KRTAP6-3: variants seen among roughly 807,000 people sequenced by gnomAD.
KRTAP6-3 encodes the protein keratin associated protein 6-3, also known as keratin-associated protein 6-3.
For synonymous variants in KRTAP6-3, 62 were observed against 57.5 expected (o/e 1.08, Z -0.36); for missense variants, 121 against 133.1 (o/e 0.91, Z 0.45).
rs747154924 is a variant in KRTAP6-3 at position 30,592,768 on chromosome 21, A to T, written c.323A>T (p.Tyr108Phe). The change falls in exon 1 of 1, where the codon TAC becomes TTC. Residue 108 changes from tyrosine (Y) to phenylalanine (F), a missense_variant. By Grantham distance (22) the Tyr-to-Phe change is conservative (BLOSUM62 3). Coordinates refer to ENST00000391624, the MANE Select transcript of KRTAP6-3 (RefSeq NM_181605.4). The stretch of plus-strand genomic sequence containing the variant: ...TCTGGCTATGGCTCCAGCTTTGGCT[A>T]CTACTATTGAGGACACCATGGGAGA... 4.4e-6 allele frequency: 7 copies of T among 1,599,296 alleles called. No individual in the cohort carries two copies. The highest frequency in any genetic ancestry group is 2.7e-5 in the African/African-American group (2 of 74,558).
Position 30,592,583 on chromosome 21 carries a change from C to G in KRTAP6-3, c.138C>G (p.Gly46=). The G allele has an allele frequency of 1.2e-6, 2 of 1,611,072 alleles. No individual in the cohort carries two copies. Among genetic ancestry groups the G allele is most frequent in the Non-Finnish European group, 1.7e-6 (2 of 1,178,258 alleles). Reference sequence around the variant, plus strand: ...GCTATGGGTGCTGTGGCTACGGAGGCCTGGGCTTTGGCTATGGAGGCCTGG... The same window carrying G: ...GCTATGGGTGCTGTGGCTACGGAGGGCTGGGCTTTGGCTATGGAGGCCTGG... Residue 46 remains glycine (G), a synonymous_variant, in exon 1 of 1, where the codon GGC becomes GGG. Coordinates refer to ENST00000391624, the MANE Select transcript of KRTAP6-3 (RefSeq NM_181605.4).
rs1568893343 is a variant in KRTAP6-3 at position 30,592,685 on chromosome 21, T to C, written c.240T>C (p.Tyr80=). The stretch of plus-strand genomic sequence containing the variant: ...GCTACAGAGGCCTGGACTGTGGCTA[T>C]GGCTGTGGCTATGGCTATGTCTCCC... The change falls in exon 1 of 1, where the codon TAT becomes TAC. Residue 80 remains tyrosine, a synonymous_variant. Coordinates refer to ENST00000391624, the MANE Select transcript of KRTAP6-3 (RefSeq NM_181605.4). 6.2e-7 allele frequency: 1 copy of C among 1,613,672 alleles called. No homozygotes were observed. The highest frequency in any genetic ancestry group is 2.2e-5 in the East Asian group (1 of 44,840).
In KRTAP6-3 at chr21:30,592,888, G is replaced by A; in HGVS notation, c.*110G>A. The A allele has an allele frequency of 6.9e-7, 1 of 1,447,768 alleles. No individual in the cohort carries two copies. Among genetic ancestry groups the A allele is most frequent in the Non-Finnish European group, 9.1e-7 (1 of 1,095,850 alleles). 89.7% of individuals were successfully genotyped at this position (1,447,768 alleles called of 1,614,324 possible). On this transcript the variant is annotated 3_prime_UTR_variant, in exon 1 of 1. Transcript: ENST00000391624. Reference sequence around the variant, plus strand: ...TGATTGATGATATCCTGCAGTGGAAGTCTAATATGATCTGTTGTTGATCTA... The same window carrying A: ...TGATTGATGATATCCTGCAGTGGAAATCTAATATGATCTGTTGTTGATCTA...
rs1158174905 is a variant in KRTAP6-3, at chr21:30,592,535, G to GGGCTGTGGTTATGGC, written c.99_113dup (p.Gly36_Gly40dup). The stretch of plus-strand genomic sequence containing the variant: ...ATGGGTGCTGTGGCTACGGAGGCCT[G>GGGCTGTGGTTATGGC]GGCTGTGGTTATGGCGGCTGTGGCT... On this transcript the variant is annotated inframe_insertion, in exon 1 of 1. Coordinates refer to ENST00000391624, the MANE Select transcript of KRTAP6-3 (RefSeq NM_181605.4). 5.6e-6 allele frequency: 9 copies of GGGCTGTGGTTATGGC among 1,613,962 alleles called. No individual in the cohort carries two copies. The East Asian group carries it at 2.0e-4, about 36-fold the overall frequency.
chr21:30,592,477 G>C lies in KRTAP6-3; in HGVS notation c.32G>C (p.Ser11Thr), dbSNP rs1432526771. 1 of 1,609,424 alleles carries C rather than the reference G, an allele frequency of 6.2e-7. No individual in the cohort carries two copies. Among genetic ancestry groups the C allele is most frequent in the South Asian group, 1.1e-5 (1 of 90,306 alleles). Residue 11 changes from serine (S) to threonine (T), a missense_variant, in exon 1 of 1, where the codon AGC becomes ACC. By Grantham distance (58) the Ser-to-Thr change is moderately conservative (BLOSUM62 1). Transcript: ENST00000391624. ...TCAACAACCAACACCATGTGTGGCA[G>C]CTACTACAGAAACTACAATGGTGGC...
chr21:30,592,793 A>T lies in KRTAP6-3; in HGVS notation c.*15A>T. 6.4e-7 allele frequency: 1 copy of T among 1,566,422 alleles called. No homozygotes were observed. Among genetic ancestry groups the T allele is most frequent in the Non-Finnish European group, 8.7e-7 (1 of 1,153,970 alleles). On this transcript the variant is annotated 3_prime_UTR_variant, in exon 1 of 1. Transcript: ENST00000391624. ...ACTACTATTGAGGACACCATGGGAG[A>T]CTCTCACCCTCTATCCTGTGACATT...
rs781643901 is a variant in KRTAP6-3 at position 30,592,533 on chromosome 21, C to G, written c.88C>G (p.Leu30Val). 6.2e-7 allele frequency: 1 copy of G among 1,613,908 alleles called. No individual in the cohort carries two copies. The highest frequency in any genetic ancestry group is 8.5e-7 in the Non-Finnish European group (1 of 1,179,922). ...CTATGGGTGCTGTGGCTACGGAGGCCTGGGCTGTGGTTATGGCGGCTGTGG... is the reference window on the plus strand; with the variant it reads ...CTATGGGTGCTGTGGCTACGGAGGCGTGGGCTGTGGTTATGGCGGCTGTGG... The change falls in exon 1 of 1, where the codon CTG becomes GTG. Residue 30 changes from leucine to valine, a missense_variant. By Grantham distance (32) the Leu-to-Val change is conservative. Transcript: ENST00000391624.
chr21:30,592,646 C>A lies in KRTAP6-3; in HGVS notation c.201C>A (p.Ser67=). 2 of 1,613,818 alleles carry A rather than the reference C, an allele frequency of 1.2e-6. No individual in the cohort carries two copies. The highest frequency in any genetic ancestry group is 1.7e-6 in the Non-Finnish European group (2 of 1,179,836). Reference sequence around the variant, plus strand: ...GAGGCCTGGGCTGTGGCTATGGCTCCTTCTGTGGCTGTGGCTACAGAGGCC... The same window carrying A: ...GAGGCCTGGGCTGTGGCTATGGCTCATTCTGTGGCTGTGGCTACAGAGGCC... The change falls in exon 1 of 1, where the codon TCC becomes TCA. Residue 67 remains serine (S), a synonymous_variant. Coordinates refer to ENST00000391624, the MANE Select transcript of KRTAP6-3 (RefSeq NM_181605.4).
Position 30,592,669 on chromosome 21 carries a change from G to A in KRTAP6-3, c.224G>A (p.Gly75Asp). Residue 75 changes from glycine (G) to aspartate (D), a missense_variant, in exon 1 of 1, where the codon GGC becomes GAC. Physicochemically the swap from Gly to Asp is moderately conservative, Grantham distance 94 (BLOSUM62 -1). Coordinates refer to ENST00000391624, the MANE Select transcript of KRTAP6-3 (RefSeq NM_181605.4). ...TCCTTCTGTGGCTGTGGCTACAGAG[G>A]CCTGGACTGTGGCTATGGCTGTGGC... 1 of 1,613,902 alleles carries A rather than the reference G, an allele frequency of 6.2e-7. No individual in the cohort carries two copies. Among genetic ancestry groups the A allele is most frequent in the Non-Finnish European group, 8.5e-7 (1 of 1,179,890 alleles).
At position 30,592,468 on chromosome 21, in the gene KRTAP6-3, T is replaced by A. The variant is rs765246395; in HGVS notation, c.23T>A (p.Met8Lys). 6.2e-7 allele frequency: 1 copy of A among 1,606,092 alleles called. No individual in the cohort carries two copies. Among genetic ancestry groups the A allele is most frequent in the African/African-American group, 1.3e-5 (1 of 74,798 alleles). The stretch of plus-strand genomic sequence containing the variant: ...AGGATGACCTCAACAACCAACACCA[T>A]GTGTGGCAGCTACTACAGAAACTAC... Residue 8 changes from methionine to lysine, a missense_variant, in exon 1 of 1, where the codon ATG becomes AAG. Transcript: ENST00000391624.
chr21:30,592,460 C>T lies in KRTAP6-3; in HGVS notation c.15C>T (p.Thr5=). The T allele has an allele frequency of 6.2e-7, 1 of 1,601,592 alleles. No homozygotes were observed. The highest frequency in any genetic ancestry group is 8.5e-7 in the Non-Finnish European group (1 of 1,173,458). The change falls in exon 1 of 1, where the codon ACC becomes ACT. Residue 5 remains threonine (T), a synonymous_variant. Coordinates refer to ENST00000391624, the MANE Select transcript of KRTAP6-3 (RefSeq NM_181605.4). Reference sequence around the variant, plus strand: ...CCTACCCAAGGATGACCTCAACAACCAACACCATGTGTGGCAGCTACTACA... The same window carrying T: ...CCTACCCAAGGATGACCTCAACAACTAACACCATGTGTGGCAGCTACTACA...
Position 30,592,664 on chromosome 21 carries a change from C to T in KRTAP6-3, c.219C>T (p.Tyr73=). The change falls in exon 1 of 1, where the codon TAC becomes TAT. Residue 73 remains tyrosine, a synonymous_variant. Coordinates refer to ENST00000391624, the MANE Select transcript of KRTAP6-3 (RefSeq NM_181605.4). ...ATGGCTCCTTCTGTGGCTGTGGCTA[C>T]AGAGGCCTGGACTGTGGCTATGGCT... 1 of 1,613,786 alleles carries T rather than the reference C, an allele frequency of 6.2e-7. No individual in the cohort carries two copies. The highest frequency in any genetic ancestry group is 8.5e-7 in the Non-Finnish European group (1 of 1,179,872).
In KRTAP6-3 at chr21:30,592,478, C is replaced by G. The variant is rs114855973; in HGVS notation, c.33C>G (p.Ser11Arg). The G allele has an allele frequency of 1.2e-3, 1,856 of 1,610,190 alleles. 17 individuals carry two copies. In the African/African-American group the frequency reaches 0.022, roughly 19 times the overall value. ...CAACAACCAACACCATGTGTGGCAG[C>G]TACTACAGAAACTACAATGGTGGCC... is the stretch of plus-strand genomic sequence containing the variant. Residue 11 changes from serine (S) to arginine (R), a missense_variant, in exon 1 of 1, where the codon AGC becomes AGG. Ser to Arg is a moderately radical substitution (Grantham distance 110). Coordinates refer to ENST00000391624, the MANE Select transcript of KRTAP6-3 (RefSeq NM_181605.4).
In KRTAP6-3 at chr21:30,592,865, A is replaced by T. The variant is rs1304725588; in HGVS notation, c.*87A>T. The stretch of plus-strand genomic sequence containing the variant: ...CCACATGCTCTGAGCCTTTCCCTTG[A>T]TTGATGATATCCTGCAGTGGAAGTC... On this transcript the variant is annotated 3_prime_UTR_variant, in exon 1 of 1. Transcript: ENST00000391624. 3 of 1,455,764 alleles carry T rather than the reference A, an allele frequency of 2.1e-6. No homozygotes were observed. The Admixed American group carries it at 8.3e-5, about 40-fold the overall frequency. 90.2% of individuals were successfully genotyped at this position (1,455,764 alleles called of 1,614,324 possible).
Position 30,592,793 on chromosome 21 carries a change from A to C in KRTAP6-3, c.*15A>C. On this transcript the variant is annotated 3_prime_UTR_variant, in exon 1 of 1. Coordinates refer to ENST00000391624, the MANE Select transcript of KRTAP6-3 (RefSeq NM_181605.4). Reference sequence around the variant, plus strand: ...ACTACTATTGAGGACACCATGGGAGACTCTCACCCTCTATCCTGTGACATT... The same window carrying C: ...ACTACTATTGAGGACACCATGGGAGCCTCTCACCCTCTATCCTGTGACATT... 6.4e-7 allele frequency: 1 copy of C among 1,566,422 alleles called. No homozygotes were observed. The highest frequency in any genetic ancestry group is 8.7e-7 in the Non-Finnish European group (1 of 1,153,970).
Position 30,592,601 on chromosome 21 carries a change from A to G in KRTAP6-3, c.156A>G (p.Gly52=), listed in dbSNP as rs1980068634. Residue 52 remains glycine, a synonymous_variant, in exon 1 of 1, where the codon GGA becomes GGG. Coordinates refer to ENST00000391624, the MANE Select transcript of KRTAP6-3 (RefSeq NM_181605.4). ...ACGGAGGCCTGGGCTTTGGCTATGG[A>G]GGCCTGGACTGTGGCTATGGAGGCC... 6.2e-7 allele frequency: 1 copy of G among 1,601,714 alleles called. No homozygotes were observed. Among genetic ancestry groups the G allele is most frequent in the Non-Finnish European group, 8.5e-7 (1 of 1,171,758 alleles).
In KRTAP6-3 at chr21:30,592,751, T is replaced by C; in HGVS notation, c.306T>C (p.Tyr102=). 1 of 1,607,796 alleles carries C rather than the reference T, an allele frequency of 6.2e-7. No homozygotes were observed. The highest frequency in any genetic ancestry group is 8.5e-7 in the Non-Finnish European group (1 of 1,176,788). Residue 102 remains tyrosine, a synonymous_variant, in exon 1 of 1, where the codon TAT becomes TAC. Coordinates refer to ENST00000391624, the MANE Select transcript of KRTAP6-3 (RefSeq NM_181605.4). ...GTGGCTATAGGTGCGGCTCTGGCTA[T>C]GGCTCCAGCTTTGGCTACTACTATT...
rs1306041795 is a variant in KRTAP6-3, at chr21:30,592,541, T to C, written c.96T>C (p.Cys32=). The change falls in exon 1 of 1, where the codon TGT becomes TGC. Residue 32 remains cysteine (C), a synonymous_variant. Transcript: ENST00000391624. ...GCTGTGGCTACGGAGGCCTGGGCTG[T>C]GGTTATGGCGGCTGTGGCTATGGGT... 1 of 1,613,636 alleles carries C rather than the reference T, an allele frequency of 6.2e-7. No individual in the cohort carries two copies. The highest frequency in any genetic ancestry group is 1.3e-5 in the African/African-American group (1 of 74,984).
chr21:30,592,596 T>A lies in KRTAP6-3; in HGVS notation c.151T>A (p.Tyr51Asn). The change falls in exon 1 of 1, where the codon TAT becomes AAT. Residue 51 changes from tyrosine to asparagine, a missense_variant. Coordinates refer to ENST00000391624, the MANE Select transcript of KRTAP6-3 (RefSeq NM_181605.4). Reference sequence around the variant, plus strand: ...TGGCTACGGAGGCCTGGGCTTTGGCTATGGAGGCCTGGACTGTGGCTATGG... The same window carrying A: ...TGGCTACGGAGGCCTGGGCTTTGGCAATGGAGGCCTGGACTGTGGCTATGG... 1 of 1,611,546 alleles carries A rather than the reference T, an allele frequency of 6.2e-7. No individual in the cohort carries two copies. Among genetic ancestry groups the A allele is most frequent in the South Asian group, 1.1e-5 (1 of 90,862 alleles).
Sources: gnomAD v4.1 joint callset for allele counts on GRCh38, gnomAD v4.1.1 for gene constraint, MANE v1.5 for transcripts, NCBI Gene and HGNC (gene_info 2026-07-23, HGNC 2026-07-21) for gene names.